The following KTN1 variants were observed in gnomAD, a reference collection of about 807,000 sequenced individuals.
KTN1 encodes kinectin.
Under a neutral mutation model 222.5 loss-of-function variants are expected in KTN1, and 130 were observed. The observed-to-expected ratio is 0.58, with a 90% CI of 0.51 to 0.68. The LOEUF is 0.68. KTN1 is among the 30% of genes least tolerant of loss of function. KTN1 has a pLI of 0.00. For missense variants in KTN1, 1,508 were observed against 1,500.4 expected, an observed-to-expected ratio of 1.01 and a Z score of -0.08; for synonymous variants, 512 against 496.3, an observed-to-expected ratio of 1.03 and a Z score of -0.42.
intron 1 of KTN1, among the ~76,000 whole-genome samples, chr14:55,597,880 A>G (rs2035315305): frequency 6.6e-6 from 1 of 152,072 alleles, no homozygotes; most frequent in Non-Finnish European, 1.5e-5. Flanking sequence ...TGTAGGTTGT[A>G]GGAATGTAGA....
intron 18 of KTN1, among the ~76,000 whole-genome samples, chr14:55,646,767 C>G (rs1187989617): frequency 6.6e-6 from 1 of 151,822 alleles, no homozygotes; most frequent in East Asian, 1.9e-4. Flanking sequence ...TACACTGCTA[C>G]TTTTTCTGTG....
intron 1 of KTN1, among the ~76,000 whole-genome samples, chr14:55,583,340 A>G (rs370800898): frequency 1.3e-5 from 2 of 152,224 alleles, no homozygotes; most frequent in Non-Finnish European, 2.9e-5. Context: ...GGCAAGATAT[A>G]CTTTTAATTC....
chr14:55,584,772 ACT>A (rs1327857936), intron 1 of KTN1, among the ~76,000 whole-genome samples: 1 of 151,952 alleles, frequency 6.6e-6, no homozygotes, highest in Non-Finnish European at 1.5e-5. Context: ...TTTATTGATG[ACT>A]CTTTAAGAGT....
intron 5 of KTN1, among the ~76,000 whole-genome samples, chr14:55,619,853 C>G (rs192212769): frequency 2.0e-4 from 30 of 152,242 alleles, no homozygotes; most frequent in Admixed American, 1.6e-3. Context: ...AATCTCATGT[C>G]CTCACATTTC....
intron 2 of KTN1, 42 bp from the exon 3 acceptor site, chr14:55,616,471 GTTCA>G: frequency 6.6e-7 from 1 of 1,511,966 alleles, no homozygotes; most frequent in African/African-American, 1.4e-5. Flanking sequence ...TTTCCGTTAT[GTTCA>G]TTGTTTGCCA....
At chr14:55,598,243 G>A (rs919009479) in intron 1 of KTN1, among the ~76,000 whole-genome samples, 7 of 152,050 alleles carry the variant, frequency 4.6e-5, no homozygotes, top group Non-Finnish European at 1.0e-4. Context: ...AGACCATCCT[G>A]GCTAACATGG....
In KTN1 at chr14:55,675,872, G is replaced by T; in HGVS notation, c.3809G>T (p.Arg1270Ile). 1 of 1,613,336 alleles carries T rather than the reference G, an allele frequency of 6.2e-7. No individual in the cohort carries two copies. The highest frequency in any genetic ancestry group is 1.1e-5 in the South Asian group (1 of 91,048). Residue 1270 changes from arginine (R) to isoleucine (I), a missense_variant, in exon 41 of 44, where the codon AGA becomes ATA. Transcript: ENST00000395314. ...AQLNETLTKLRTEQNERQKVA... is the reference protein window; with the variant it reads ...AQLNETLTKLITEQNERQKVA... ...TTAAATGAAACACTCACAAAACTTA[G>T]AACTGAACAAAATGAAAGACAGAAG...
rs145830243 is a variant in KTN1 at position 55,660,933 on chromosome 14, T to C, written c.3000-589T>C. Among the ~76,000 whole-genome samples the C allele has an allele frequency of 2.6e-3, 398 of 152,302 alleles. 4 individuals carry two copies. The highest frequency in any genetic ancestry group is 0.021 in the East Asian group (109 of 5,164). On this transcript the variant is annotated intron_variant, in intron 31 of 43. Transcript: ENST00000395314. Reference sequence around the variant, plus strand: ...TCTCAGGGAAGAGCTATTTGTTATTTAACTTTCTACTCCAGCCACTCTCAA... The same window carrying C: ...TCTCAGGGAAGAGCTATTTGTTATTCAACTTTCTACTCCAGCCACTCTCAA...
intron 7 of KTN1, among the ~76,000 whole-genome samples, chr14:55,631,664 C>T (rs1311812411): frequency 3.3e-5 from 5 of 151,720 alleles, no homozygotes; most frequent in Admixed American, 3.3e-4. Context: ...GCCCATGGTC[C>T]CAATTACTCA....
intron 1 of KTN1, among the ~76,000 whole-genome samples, chr14:55,599,489 G>C (rs1008185252): frequency 1.3e-5 from 2 of 151,562 alleles, no homozygotes; most frequent in African/African-American, 2.4e-5. Flanking sequence ...TTTTGAGACA[G>C]AGTCTCGTTC....
intron 34 of KTN1, among the ~76,000 whole-genome samples, chr14:55,669,869 AT>A (rs1358528583): frequency 3.3e-5 from 5 of 152,032 alleles, no homozygotes; most frequent in Non-Finnish European, 7.4e-5. Flanking sequence ...TCTGCTGCAT[AT>A]GTAACAGTTT....
chr14:55,683,706 TAAAAAA>T, intron 43 of KTN1: 1 of 150,856 alleles, frequency 6.6e-6, no homozygotes, highest in Non-Finnish European at 1.4e-5. Flanking sequence ...TCATATGACC[TAAAAAA>T]AAAAAAAAAA....
intron 33 of KTN1, among the ~76,000 whole-genome samples, chr14:55,666,511 G>A (rs767049103): frequency 9.2e-5 from 14 of 151,666 alleles, no homozygotes; most frequent in South Asian, 8.3e-4. Flanking sequence ...ACAAACCATG[G>A]TTTTGAGTTT....
chr14:55,641,891 A>C, intron 18 of KTN1, 131 bp downstream of exon 18: 1 of 648,914 alleles, frequency 1.5e-6, no homozygotes, highest in African/African-American at 1.8e-5. Context: ...TTGCCTTTCT[A>C]TTCATCCTGT....
chr14:55,599,979 T>TA (rs1428699498), intron 1 of KTN1, among the ~76,000 whole-genome samples: 1 of 152,046 alleles, frequency 6.6e-6, no homozygotes, highest in Non-Finnish European at 1.5e-5. Flanking sequence ...ATTTTGCCTT[T>TA]AATTGGGTGT....
intron 1 of KTN1, among the ~76,000 whole-genome samples, chr14:55,611,172 C>G (rs901455489): frequency 3.3e-5 from 5 of 151,918 alleles, no homozygotes; most frequent in African/African-American, 1.2e-4. Flanking sequence ...ACTGAAGCCT[C>G]GACTTCAAAG....
rs1192194996 is a variant in KTN1 at position 55,633,263 on chromosome 14, C to A, written c.1250C>A (p.Ala417Glu). 1.9e-6 allele frequency: 3 copies of A among 1,592,680 alleles called. No individual in the cohort carries two copies. Among genetic ancestry groups the A allele is most frequent in the African/African-American group, 2.7e-5 (2 of 73,872 alleles). Residue 417 changes from alanine (A) to glutamate (E), a missense_variant, in exon 8 of 44, where the codon GCA becomes GAA. Coordinates refer to ENST00000395314, the MANE Select transcript of KTN1 (RefSeq NM_001079521.2). ...KFQQVREQME[A>E]EIAHLKQENG... ...CAGCAAGTTCGTGAGCAGATGGAGG[C>A]AGAGATAGCTCACTTGAAGCAGGAA...
chr14:55,678,444 G>GGAGTCTTCTGAGAAGGAGACAATGTCT lies in KTN1; in HGVS notation c.3948+1_3948+2insAGTCTTCTGAGAAGGAGACAATGTCTG. The GGAGTCTTCTGAGAAGGAGACAATGTCT allele has an allele frequency of 1.3e-6, 2 of 1,587,326 alleles. No homozygotes were observed. Among genetic ancestry groups the GGAGTCTTCTGAGAAGGAGACAATGTCT allele is most frequent in the Non-Finnish European group, 1.7e-6 (2 of 1,155,886 alleles). On this transcript the variant is annotated inframe_insertion and splice_region_variant. Coordinates refer to ENST00000395314, the MANE Select transcript of KTN1 (RefSeq NM_001079521.2). Reference sequence around the variant, plus strand: ...AAAATAGTGATGTTTCCCCAGAAACGGTATGTATTTTCTTCATCCCCAGAT... The same window carrying GGAGTCTTCTGAGAAGGAGACAATGTCT: ...AAAATAGTGATGTTTCCCCAGAAACGGAGTCTTCTGAGAAGGAGACAATGTCTGTATGTATTTTCTTCATCCCCAGAT...
chr14:55,638,556 C>T (rs1255068450), intron 12 of KTN1, among the ~76,000 whole-genome samples: 2 of 151,196 alleles, frequency 1.3e-5, no homozygotes, highest in Non-Finnish European at 3.0e-5. Context: ...ACTCCCAAAG[C>T]TTTGACCATA....
Sources: gnomAD v4.1 joint callset for allele counts (sites outside exome capture counted in the v4.1 genomes callset) on GRCh38, gnomAD v4.1.1 for gene constraint, MANE v1.5 for transcripts, NCBI Gene and HGNC (gene_info 2026-07-23, HGNC 2026-07-21) for gene names.